Variants in SND1 observed in about 807,000 individuals in gnomAD.
The protein encoded by SND1 is staphylococcal nuclease domain-containing protein 1.
SND1 carries 38 observed loss-of-function variants against 121.7 expected under a neutral mutation model. The observed-to-expected ratio is 0.31, with a 90% CI of 0.24 to 0.41. SND1 has a LOEUF of 0.41. Ranked by LOEUF, SND1 falls within the 10% of genes least tolerant of loss-of-function variation. SND1 has a pLI of 1.00. For missense variants in SND1, 868 were observed against 1,184.6 expected (o/e 0.73, Z 3.92); for synonymous variants, 401 against 447.4 (o/e 0.90, Z 1.31).
chr7:128,031,716 C>T (rs1245605620), intron 16 of SND1: 2 of 142,848 alleles, frequency 1.4e-5, no homozygotes, highest in Non-Finnish European at 3.1e-5. Context: ...TCAGAGAGTC[C>T]GGGGGCGGGC....
chr7:127,964,526 G>T (rs1013857413), intron 15 of SND1, among the ~76,000 whole-genome samples: 1 of 151,362 alleles, frequency 6.6e-6, no homozygotes, highest in Non-Finnish European at 1.5e-5. Flanking sequence ...TTTCCCCATT[G>T]CTTGTTTTTC....
chr7:127,977,361 T>C (rs1012379325), intron 15 of SND1, among the ~76,000 whole-genome samples: 5 of 152,116 alleles, frequency 3.3e-5, no homozygotes, highest in South Asian at 2.1e-4. Context: ...TGAGAAGAAA[T>C]AGATGTTGCA....
intron 14 of SND1, among the ~76,000 whole-genome samples, chr7:127,911,944 G>C (rs1487708992): frequency 6.6e-6 from 1 of 151,994 alleles, no homozygotes; most frequent in African/African-American, 2.4e-5. Flanking sequence ...TTATTGTGTT[G>C]GAGTTTTTTT....
chr7:127,736,353 T>C (rs753150824), intron 10 of SND1, among the ~76,000 whole-genome samples: 3 of 152,246 alleles, frequency 2.0e-5, no homozygotes, highest in Non-Finnish European at 4.4e-5. Context: ...TCTGTTCATG[T>C]TTTATAACTG....
chr7:128,068,291 A>G (rs937166436), intron 16 of SND1, among the ~76,000 whole-genome samples: 2 of 143,512 alleles, frequency 1.4e-5, no homozygotes, highest in Non-Finnish European at 3.0e-5. Flanking sequence ...TTTAGGAAAG[A>G]TTTCAGAATC....
At chr7:127,821,307 G>A (rs977205970) in intron 11 of SND1, among the ~76,000 whole-genome samples, 3 of 152,152 alleles carry the variant, frequency 2.0e-5, no homozygotes, top group African/African-American at 4.8e-5. Context: ...AGCATGCGGG[G>A]TGCTTGGCCA....
At chr7:127,672,740 A>C (rs1374105988) in intron 1 of SND1, among the ~76,000 whole-genome samples, 1 of 152,026 alleles carries the variant, frequency 6.6e-6, no homozygotes, top group African/African-American at 2.4e-5. Context: ...AGTTTCCTTC[A>C]TTCAGAAATA....
At chr7:127,846,002 G>A (rs1322366120) in intron 12 of SND1, among the ~76,000 whole-genome samples, 1 of 152,142 alleles carries the variant, frequency 6.6e-6, no homozygotes, top group African/African-American at 2.4e-5. Flanking sequence ...GTTTATTTTG[G>A]CTTTGACAGA....
chr7:128,073,538 TTC>T (rs2117049198), intron 16 of SND1, among the ~76,000 whole-genome samples: 1 of 152,338 alleles, frequency 6.6e-6, no homozygotes, highest in East Asian at 1.9e-4. Context: ...CCTTCTAACC[TTC>T]TGTCACTAGC....
At chr7:127,897,995 T>C (rs533372843) in intron 13 of SND1, among the ~76,000 whole-genome samples, 4 of 152,262 alleles carry the variant, frequency 2.6e-5, no homozygotes, top group African/African-American at 9.6e-5. Context: ...GACTTTAGAC[T>C]GCTCATAACC....
chr7:127,864,488 A>G (rs529324896), intron 12 of SND1, among the ~76,000 whole-genome samples: 7 of 152,028 alleles, frequency 4.6e-5, no homozygotes, highest in African/African-American at 1.7e-4. Flanking sequence ...TCTGATTCTC[A>G]TATTTTGTTC....
chr7:127,770,577 A>G (rs1797496450), intron 10 of SND1, among the ~76,000 whole-genome samples: 1 of 152,312 alleles, frequency 6.6e-6, no homozygotes, highest in Admixed American at 6.5e-5. Flanking sequence ...AGTTACTTGT[A>G]CAAGGTCTAA....
At chr7:127,915,501 A>G (rs1800554262) in intron 14 of SND1, among the ~76,000 whole-genome samples, 1 of 152,122 alleles carries the variant, frequency 6.6e-6, no homozygotes, top group South Asian at 2.1e-4. Context: ...TGCATTCCTC[A>G]TGTTGAATCA....
At chr7:127,915,562 A>T (rs1433307723) in intron 14 of SND1, among the ~76,000 whole-genome samples, 1 of 152,260 alleles carries the variant, frequency 6.6e-6, no homozygotes, top group Non-Finnish European at 1.5e-5. Flanking sequence ...TTCATATGCC[A>T]GCAAGAATGC....
At chr7:127,908,357 T>TGTGTGC (rs1356003756) in intron 14 of SND1, among the ~76,000 whole-genome samples, 17 of 142,356 alleles carry the variant, frequency 1.2e-4, no homozygotes, top group African/African-American at 4.1e-4. Context: ...TGTGTGTGTG[T>TGTGTGC]GTGCGTGCGT....
At chr7:127,898,355 C>G (rs1394904934) in intron 13 of SND1, among the ~76,000 whole-genome samples, 1 of 152,120 alleles carries the variant, frequency 6.6e-6, no homozygotes, top group East Asian at 1.9e-4. Context: ...TTCTGTCTTT[C>G]TCATCGGTAA....
intron 1 of SND1, among the ~76,000 whole-genome samples, chr7:127,683,702 C>T (rs908366874): frequency 6.6e-6 from 1 of 152,210 alleles, no homozygotes; most frequent in South Asian, 2.1e-4. Context: ...TGCCAATCCT[C>T]TCCTCCTGGA....
intron 14 of SND1, among the ~76,000 whole-genome samples, chr7:127,911,504 C>T (rs1454401997): frequency 6.6e-6 from 1 of 152,012 alleles, no homozygotes; most frequent in African/African-American, 2.4e-5. Context: ...GCTACCATGG[C>T]TGGCCTCTTT....
chr7:127,967,656 T>C (rs913762150), intron 15 of SND1, among the ~76,000 whole-genome samples: 24 of 152,340 alleles, frequency 1.6e-4, no homozygotes, highest in Admixed American at 5.9e-4. Flanking sequence ...CAAAGTATTC[T>C]CTAATTGTGT....
Sources: gnomAD v4.1 joint callset for allele counts (sites outside exome capture counted in the v4.1 genomes callset) on GRCh38, gnomAD v4.1.1 for gene constraint, MANE v1.5 for transcripts, NCBI Gene and HGNC (gene_info 2026-07-23, HGNC 2026-07-21) for gene names.